Variants in OPN3 observed in about 807,000 individuals in gnomAD.
OPN3 encodes opsin 3, also known as opsin-3.
A neutral mutation model predicts 33.8 loss-of-function variants in OPN3; 29 were observed. The ratio of observed to expected loss-of-function variants is 0.86; its 90% CI spans 0.64 to 1.17. OPN3 has a LOEUF of 1.17. OPN3 is among the 50% of genes most tolerant of loss of function. The pLI, the probability that OPN3 is intolerant of heterozygous loss-of-function variation, is 0.00. For missense variants in OPN3, 437 were observed against 514.1 expected, an observed-to-expected ratio of 0.85 and a Z score of 1.45; for synonymous variants, 216 against 216.1, an observed-to-expected ratio of 1.00 and a Z score of 0.00.
intron 1 of OPN3, among the ~76,000 whole-genome samples, chr1:241,638,620 T>A (rs147850634): frequency 7.1e-4 from 108 of 152,270 alleles, no homozygotes; most frequent in African/African-American, 2.2e-3. Context: ...TACCACAGCC[T>A]ACATACACTT....
chr1:241,622,359 TAAG>T (rs1664288899), intron 1 of OPN3, among the ~76,000 whole-genome samples: 2 of 152,204 alleles, frequency 1.3e-5, no homozygotes, highest in African/African-American at 2.4e-5. Context: ...AATTGTTAGG[TAAG>T]AAGGTGTGCA....
At chr1:241,634,566 A>G (rs1275348699) in intron 1 of OPN3, 1 of 1,613,900 alleles carries the variant, frequency 6.2e-7, no homozygotes, top group South Asian at 1.1e-5. Flanking sequence ...TGACGAAGAC[A>G]ATAGATTCCA....
At chr1:241,616,996 C>T (rs552967582) in intron 1 of OPN3, among the ~76,000 whole-genome samples, 1 of 152,160 alleles carries the variant, frequency 6.6e-6, no homozygotes, top group Non-Finnish European at 1.5e-5. Flanking sequence ...TTTATCATCT[C>T]TTATTCTCTA....
intron 1 of OPN3, among the ~76,000 whole-genome samples, chr1:241,606,103 C>T (rs538859742): frequency 7.2e-5 from 11 of 152,116 alleles, no homozygotes; most frequent in African/African-American, 2.7e-4. Flanking sequence ...CAACAGCAGG[C>T]AAGACATGAT....
chr1:241,607,736 A>T (rs1426284654), intron 1 of OPN3, among the ~76,000 whole-genome samples: 5 of 106,682 alleles, frequency 4.7e-5, no homozygotes, highest in Non-Finnish European at 1.1e-4. Flanking sequence ...GAAAGGAGGG[A>T]AGGAAGGAAG....
chr1:241,604,406 C>A lies in OPN3; in HGVS notation c.547G>T (p.Val183Leu). ...TCCACAGTGCAGCCTAGTCCGTGTA[C>A]GTCCAGGATGTACCTGTTCCATCCC... is the stretch of plus-strand genomic sequence containing the variant. ...LLGWNRYILD[V>L]HGLGCTVDWK... The change falls in exon 2 of 4, where the codon GTA (valine) becomes TTA (leucine). Residue 183 changes from valine (V) to leucine (L), a missense_variant. Coordinates refer to ENST00000366554, the MANE Select transcript of OPN3 (RefSeq NM_014322.3). 3.1e-6 allele frequency: 5 copies of A among 1,614,204 alleles called. No homozygotes were observed. The highest frequency in any genetic ancestry group is 4.2e-6 in the Non-Finnish European group (5 of 1,180,042).
chr1:241,601,506 C>T (rs1291084033), intron 2 of OPN3, among the ~76,000 whole-genome samples: 2 of 152,056 alleles, frequency 1.3e-5, no homozygotes, highest in African/African-American at 4.8e-5. Flanking sequence ...AGTTCGAAAC[C>T]AGCCTGGCCA....
chr1:241,635,626 C>A lies in OPN3; in HGVS notation c.373+4256G>T. 2.5e-6 allele frequency: 4 copies of A among 1,614,048 alleles called. No homozygotes were observed. The South Asian group carries it at 3.3e-5, about 13-fold the overall frequency. ...GCAATCCTGAAAAGCTGAAACTAGC[C>A]CAGTTTCCTCCATAGTAGCTTCTTG... On this transcript the variant is annotated intron_variant, in intron 1 of 3. Coordinates refer to ENST00000366554, the MANE Select transcript of OPN3 (RefSeq NM_014322.3).
intron 1 of OPN3, among the ~76,000 whole-genome samples, chr1:241,627,903 A>T (rs1191982081): frequency 1.3e-5 from 2 of 152,174 alleles, no homozygotes; most frequent in African/African-American, 2.4e-5. Flanking sequence ...TTGAAACTTT[A>T]TGATCGAATT....
intron 2 of OPN3, among the ~76,000 whole-genome samples, chr1:241,600,073 T>C (rs1482277645): frequency 6.6e-6 from 1 of 152,208 alleles, no homozygotes; most frequent in Admixed American, 6.5e-5. Flanking sequence ...TGTACCATTT[T>C]CTGGGCAGGT....
At position 241,634,968 on chromosome 1, in the gene OPN3, C is replaced by G. The variant is rs1349699826; in HGVS notation, c.373+4914G>C. 1 of 1,613,574 alleles carries G rather than the reference C, an allele frequency of 6.2e-7. No individual in the cohort carries two copies. The highest frequency in any genetic ancestry group is 1.3e-5 in the African/African-American group (1 of 75,030). Reference sequence around the variant, plus strand: ...TGTTCTACCTTTCCTTCCCGAAATGCAAGAATCCTAGTGACATTTTTAAAT... The same window carrying G: ...TGTTCTACCTTTCCTTCCCGAAATGGAAGAATCCTAGTGACATTTTTAAAT... On this transcript the variant is annotated intron_variant, in intron 1 of 3. Transcript: ENST00000366554.
rs143312030 is a variant in OPN3, at chr1:241,624,945, AC to A, written c.373+14936del. On this transcript the variant is annotated intron_variant, in intron 1 of 3. Transcript: ENST00000366554. ...TGCAAATGGGGATAATAAAATACCT[AC>A]CCAACTAGGTTTTTATGAGGATAAC... Among the ~76,000 whole-genome samples, 11 of 152,292 alleles carry A rather than the reference AC, an allele frequency of 7.2e-5. No homozygotes were observed. The East Asian group carries it at 1.9e-3, about 27-fold the overall frequency.
chr1:241,622,859 G>T (rs897679089), intron 1 of OPN3, among the ~76,000 whole-genome samples: 1 of 152,028 alleles, frequency 6.6e-6, no homozygotes, highest in African/African-American at 2.4e-5. Flanking sequence ...CACTGGCTTC[G>T]AGCATAGTGT....
At chr1:241,630,358 T>C (rs1296057787) in intron 1 of OPN3, 2 of 152,082 alleles carry the variant, frequency 1.3e-5, no homozygotes, top group Non-Finnish European at 2.9e-5. Context: ...TTAATTTATC[T>C]CTATGTAGTT....
At chr1:241,620,976 GA>G (rs1437076235) in intron 1 of OPN3, among the ~76,000 whole-genome samples, 1 of 152,064 alleles carries the variant, frequency 6.6e-6, no homozygotes, top group Non-Finnish European at 1.5e-5. Flanking sequence ...CATCAAAAGG[GA>G]AAAATGTGTA....
chr1:241,634,608 G>A (rs1415259396), intron 1 of OPN3: 2 of 1,613,886 alleles, frequency 1.2e-6, no homozygotes, highest in Admixed American at 1.7e-5. Context: ...CAGAAACCCT[G>A]GGGAATTTCT....
chr1:241,606,545 CAAAA>C (rs1254807426), intron 1 of OPN3, among the ~76,000 whole-genome samples: 1 of 82,676 alleles, frequency 1.2e-5, no homozygotes, highest in Admixed American at 1.4e-4. Context: ...GACTCTGATT[CAAAA>C]TAAATAAATA....
chr1:241,631,564 A>G (rs1664634477), intron 1 of OPN3: 1 of 152,164 alleles, frequency 6.6e-6, no homozygotes, highest in Non-Finnish European at 1.5e-5. Context: ...GTTGTCAATT[A>G]CTTAAATCTG....
chr1:241,626,044 A>T (rs1260083853), intron 1 of OPN3, among the ~76,000 whole-genome samples: 1 of 152,206 alleles, frequency 6.6e-6, no homozygotes, highest in African/African-American at 2.4e-5. Context: ...AATTATTTAG[A>T]TGGAACCTCT....
Sources: gnomAD v4.1 joint callset for allele counts (sites outside exome capture counted in the v4.1 genomes callset) on GRCh38, gnomAD v4.1.1 for gene constraint, MANE v1.5 for transcripts, NCBI Gene and HGNC (gene_info 2026-07-23, HGNC 2026-07-21) for gene names.